Variants in TMPRSS11F observed in about 807,000 individuals in gnomAD.
The protein encoded by TMPRSS11F is transmembrane serine protease 11F, also known as transmembrane protease serine 11F.
Under a neutral mutation model 60.2 loss-of-function variants are expected in TMPRSS11F, and 47 were observed. The ratio of observed to expected loss-of-function variants is 0.78; its 90% CI spans 0.62 to 1.00. TMPRSS11F has a LOEUF of 1.00. TMPRSS11F is among the 50% of genes least tolerant of loss of function. The probability of loss-of-function intolerance (pLI) is 0.00; values close to 1 mark genes in which losing one functional copy is unlikely to be tolerated. For missense variants in TMPRSS11F, 519 were observed against 522.9 expected, an observed-to-expected ratio of 0.99 and a Z score of 0.07; for synonymous variants, 166 against 167.3, an observed-to-expected ratio of 0.99 and a Z score of 0.06.
intron 3 of TMPRSS11F, among the ~76,000 whole-genome samples, chr4:68,082,201 A>C (rs1360574260): frequency 6.6e-6 from 1 of 152,150 alleles, no homozygotes; most frequent in African/African-American, 2.4e-5. Context: ...GAATGAAGTG[A>C]CTGTGAGGCA....
chr4:68,061,062 T>A (rs1723162267), intron 8 of TMPRSS11F, among the ~76,000 whole-genome samples: 2 of 124,740 alleles, frequency 1.6e-5, no homozygotes, highest in Non-Finnish European at 4.0e-5. Flanking sequence ...TAAAACATAC[T>A]CTATTTAATA....
intron 2 of TMPRSS11F, among the ~76,000 whole-genome samples, chr4:68,094,880 G>T (rs1577926525): frequency 6.6e-6 from 1 of 151,614 alleles, no homozygotes; most frequent in African/African-American, 2.4e-5. Flanking sequence ...CATAACAAGT[G>T]GTATAACAAT....
chr4:68,091,335 C>A (rs1450941757), intron 2 of TMPRSS11F, among the ~76,000 whole-genome samples: 2 of 152,030 alleles, frequency 1.3e-5, no homozygotes, highest in Non-Finnish European at 2.9e-5. Context: ...CCTTGGTGAG[C>A]TCTTTATTTC....
At position 68,122,666 on chromosome 4, in the gene TMPRSS11F, T is replaced by C. The variant is rs992296024; in HGVS notation, c.11+7144A>G. Among the ~76,000 whole-genome samples, 16 of 152,290 alleles carry C rather than the reference T, an allele frequency of 1.1e-4. 1 individual carries two copies. Among genetic ancestry groups the C allele is most frequent in the African/African-American group, 3.6e-4 (15 of 41,570 alleles). On this transcript the variant is annotated intron_variant, in intron 1 of 9. Coordinates refer to ENST00000356291, the MANE Select transcript of TMPRSS11F (RefSeq NM_207407.2). ...CATAATTCAAGCAGATAAACCACTA[T>C]CAGGCATCTATCTAGAACAACTCCT...
intron 6 of TMPRSS11F, 94 bp downstream of exon 6, chr4:68,069,875 A>G (rs1723415305): frequency 9.9e-7 from 1 of 1,006,090 alleles, no homozygotes. Context: ...TGAGTCTTAA[A>G]AAGCTTGGTA....
chr4:68,113,700 C>T (rs1236067050), intron 1 of TMPRSS11F, among the ~76,000 whole-genome samples: 1 of 152,128 alleles, frequency 6.6e-6, no homozygotes, highest in African/African-American at 2.4e-5. Context: ...AAGACATCAA[C>T]ACTCTTCTCT....
intron 3 of TMPRSS11F, among the ~76,000 whole-genome samples, chr4:68,090,270 A>G (rs1209766185): frequency 1.3e-5 from 2 of 152,000 alleles, no homozygotes; most frequent in African/African-American, 4.8e-5. Context: ...ATAGAGAAAC[A>G]TTTGTTTCAA....
intron 8 of TMPRSS11F, chr4:68,062,082 G>T (rs1042769414): frequency 4.4e-6 from 2 of 450,698 alleles, no homozygotes; most frequent in African/African-American, 4.0e-5. Context: ...TTACGATAGG[G>T]TTGGAGGACT....
At chr4:68,121,636 C>G (rs1294413777) in intron 1 of TMPRSS11F, among the ~76,000 whole-genome samples, 3 of 152,084 alleles carry the variant, frequency 2.0e-5, no homozygotes, top group African/African-American at 7.2e-5. Flanking sequence ...CAGTTGTTTT[C>G]AATAAGCAGC....
intron 2 of TMPRSS11F, among the ~76,000 whole-genome samples, chr4:68,091,992 T>G (rs7688543): frequency 0.73 from 110,265 of 151,690 alleles, 40,813 homozygotes; most frequent in East Asian, 0.88. Context: ...CACCATGTTG[T>G]CCAGGCTGGT....
intron 1 of TMPRSS11F, among the ~76,000 whole-genome samples, chr4:68,126,063 A>C (rs962982313): frequency 6.6e-6 from 1 of 152,178 alleles, no homozygotes; most frequent in Non-Finnish European, 1.5e-5. Flanking sequence ...TATCAAAGTC[A>C]TAATTCATAT....
rs540824277 is a variant in TMPRSS11F, at chr4:68,103,657, T to C, written c.12-4619A>G. On this transcript the variant is annotated intron_variant, in intron 1 of 9. Coordinates refer to ENST00000356291, the MANE Select transcript of TMPRSS11F (RefSeq NM_207407.2). ...CTACTCAAGGTCTTTTATGGCTCCA[T>C]ACAAACTTTGGGAGAATTTTTTTCT... is the stretch of plus-strand genomic sequence containing the variant. Among the ~76,000 whole-genome samples the C allele has an allele frequency of 4.6e-5, 7 of 152,284 alleles. No individual in the cohort carries two copies. The East Asian group carries it at 9.7e-4, about 21-fold the overall frequency.
intron 1 of TMPRSS11F, among the ~76,000 whole-genome samples, chr4:68,112,496 T>C (rs1207280657): frequency 6.6e-6 from 1 of 152,146 alleles, no homozygotes; most frequent in Non-Finnish European, 1.5e-5. Context: ...CCTATATTTT[T>C]CCAACCTTAA....
rs916370437 is a variant in TMPRSS11F at position 68,099,288 on chromosome 4, C to T, written c.12-250G>A. Among the ~76,000 whole-genome samples, 9 of 152,074 alleles carry T rather than the reference C, an allele frequency of 5.9e-5. No homozygotes were observed. The South Asian group carries it at 6.2e-4, about 11-fold the overall frequency. Reference sequence around the variant, plus strand: ...GGATATCTTCCCACGGCATTTTATCCGGCTTATTGGCAATTTAAAACTTTG... The same window carrying T: ...GGATATCTTCCCACGGCATTTTATCTGGCTTATTGGCAATTTAAAACTTTG... On this transcript the variant is annotated intron_variant, in intron 1 of 9. Transcript: ENST00000356291.
chr4:68,094,386 C>A (rs1349012705), intron 2 of TMPRSS11F, among the ~76,000 whole-genome samples: 1 of 116,168 alleles, frequency 8.6e-6, no homozygotes, highest in Non-Finnish European at 1.7e-5. Flanking sequence ...ACATCACACT[C>A]TGGGGACTGT....
chr4:68,106,435 T>C (rs1209934217), intron 1 of TMPRSS11F, among the ~76,000 whole-genome samples: 1 of 152,186 alleles, frequency 6.6e-6, no homozygotes, highest in Non-Finnish European at 1.5e-5. Context: ...AGGCAAAATT[T>C]GCTTTGGACT....
At chr4:68,086,394 A>G (rs1723813924) in intron 3 of TMPRSS11F, among the ~76,000 whole-genome samples, 2 of 152,202 alleles carry the variant, frequency 1.3e-5, no homozygotes, top group African/African-American at 4.8e-5. Context: ...AGGAACGTCT[A>G]TAGCACTAAA....
intron 1 of TMPRSS11F, among the ~76,000 whole-genome samples, chr4:68,099,990 TTTA>T (rs1724156312): frequency 6.6e-6 from 1 of 151,516 alleles, no homozygotes; most frequent in African/African-American, 2.4e-5. Flanking sequence ...GTCAGGAGAT[TTTA>T]TTAAGAAAGT....
chr4:68,107,678 AT>A (rs748227250), intron 1 of TMPRSS11F, among the ~76,000 whole-genome samples: 1 of 152,058 alleles, frequency 6.6e-6, no homozygotes, highest in Non-Finnish European at 1.5e-5. Flanking sequence ...AATAAGAACC[AT>A]TTTGGTCCCA....
Sources: allele counts gnomAD v4.1 joint callset (sites outside exome capture counted in the v4.1 genomes callset), GRCh38; gene constraint gnomAD v4.1.1; transcripts MANE v1.5; gene names NCBI Gene and HGNC (gene_info 2026-07-23, HGNC 2026-07-21).